CXCL13: variants seen among roughly 807,000 people sequenced by gnomAD.
CXCL13 encodes the protein C-X-C motif chemokine ligand 13, also known as C-X-C motif chemokine 13.
In CXCL13, 7 loss-of-function variants were observed where a neutral mutation model predicts 12.2. The ratio of observed to expected loss-of-function variants is 0.57; its 90% confidence interval spans 0.33 to 1.07. The LOEUF is 1.07. CXCL13 is among the 50% of genes least tolerant of loss of function. The probability of loss-of-function intolerance (pLI) is 0.04; values close to 1 mark genes in which losing one functional copy is unlikely to be tolerated. For synonymous variants in CXCL13, 47 were observed against 42.4 expected (o/e 1.11, Z -0.42); for missense variants, 113 against 127.4 (o/e 0.89, Z 0.55).
rs115318331 is a variant in CXCL13 at position 77,530,694 on chromosome 4, T to G, written c.-43+18906T>G. On this transcript the variant is annotated intron_variant, in intron 1 of 4. Coordinates refer to the CXCL13 transcript ENST00000286758. The stretch of plus-strand genomic sequence containing the variant: ...TTCTTTATTAGTATTGCTAATGGTC[T>G]GTCAGTTTTGTTGATCTTTTCAAAA... 7.0e-3 allele frequency among the ~76,000 whole-genome samples: 1,070 copies of G among 152,304 alleles called. 5 individuals are homozygous for G. Among genetic ancestry groups the G allele is most frequent in the Non-Finnish European group, 0.013 (851 of 68,022 alleles).
intron 1 of CXCL13, among the ~76,000 whole-genome samples, chr4:77,591,899 C>T (rs142118998): frequency 6.6e-6 from 1 of 152,334 alleles, no homozygotes; most frequent in East Asian, 1.9e-4. Flanking sequence ...TCTTCTTTAA[C>T]TTCTTTAATT....
At chr4:77,604,232 A>G (rs891894743), upstream of CXCL13, among the ~76,000 whole-genome samples, 7 of 152,084 alleles carry the variant, frequency 4.6e-5, no homozygotes, top group Non-Finnish European at 1.0e-4. Flanking sequence ...TCTGCCCACC[A>G]TGGGCCCCTC....
At chr4:77,561,936 G>GTGGGC (rs1725825088) in intron 1 of CXCL13, among the ~76,000 whole-genome samples, 1 of 152,180 alleles carries the variant, frequency 6.6e-6, no homozygotes, top group African/African-American at 2.4e-5. Flanking sequence ...TTGTGGGCCA[G>GTGGGC]CACAAGTTCT....
chr4:77,585,066 C>T (rs1726421254), intron 1 of CXCL13, among the ~76,000 whole-genome samples: 1 of 152,146 alleles, frequency 6.6e-6, no homozygotes, highest in Admixed American at 6.5e-5. Flanking sequence ...TACTTGCAAG[C>T]TTTCCTGAAG....
At chr4:77,541,541 TG>T (rs930016017) in intron 1 of CXCL13, among the ~76,000 whole-genome samples, 1 of 152,220 alleles carries the variant, frequency 6.6e-6, no homozygotes, top group African/African-American at 2.4e-5. Context: ...GCTTTATTTC[TG>T]GGTTCTATAT....
At chr4:77,603,214 T>C (rs79029658), upstream of CXCL13, among the ~76,000 whole-genome samples, 320 of 152,340 alleles carry the variant, frequency 2.1e-3, 2 homozygotes, top group Admixed American at 7.1e-3. Context: ...ATGTAAAACT[T>C]CTATACTTGG....
chr4:77,604,820 G>T (rs1030052226), upstream of CXCL13, among the ~76,000 whole-genome samples: 1 of 152,220 alleles, frequency 6.6e-6, no homozygotes, highest in Non-Finnish European at 1.5e-5. Flanking sequence ...AGGAAATCGC[G>T]CCAGGAAGCC....
At chr4:77,515,566 G>T (rs920521409) in intron 1 of CXCL13, among the ~76,000 whole-genome samples, 1 of 152,142 alleles carries the variant, frequency 6.6e-6, no homozygotes, top group African/African-American at 2.4e-5. Flanking sequence ...TCTCTTTGAA[G>T]CAATTGTGAA....
At chr4:77,590,683 G>A (rs758257876) in intron 1 of CXCL13, among the ~76,000 whole-genome samples, 4 of 152,136 alleles carry the variant, frequency 2.6e-5, no homozygotes, top group Non-Finnish European at 2.9e-5. Context: ...CTCTCCTGTG[G>A]AGATGTCACA....
chr4:77,516,539 A>G (rs1420207866), intron 1 of CXCL13, among the ~76,000 whole-genome samples: 9 of 151,844 alleles, frequency 5.9e-5, no homozygotes, highest in South Asian at 2.1e-4. Flanking sequence ...GTCTTGGGAG[A>G]GTGTATGTGT....
intron 1 of CXCL13, among the ~76,000 whole-genome samples, chr4:77,552,995 G>A (rs71609313): frequency 6.6e-6 from 1 of 152,184 alleles, no homozygotes; most frequent in African/African-American, 2.4e-5. Flanking sequence ...CGGCTGCTCA[G>A]GCTGCTGGTC....
At chr4:77,526,728 C>T (rs1289524840) in intron 1 of CXCL13, among the ~76,000 whole-genome samples, 1 of 152,010 alleles carries the variant, frequency 6.6e-6, no homozygotes, top group Non-Finnish European at 1.5e-5. Flanking sequence ...AAATTGTAGA[C>T]TAGGCTAAAC....
rs747589194 is a variant in CXCL13, at chr4:77,605,857, C to A, written c.-9C>A. ...CAGAGCTCAAGTCTGAACTCTACCT[C>A]CAGACAGAATGAAGTTCATCTCGAC... On this transcript the variant is annotated 5_prime_UTR_variant, in exon 1 of 4. Coordinates refer to ENST00000682537, the MANE Select transcript of CXCL13 (RefSeq NM_001371558.1). The A allele has an allele frequency of 6.2e-7, 1 of 1,600,038 alleles. No homozygotes were observed. Among genetic ancestry groups the A allele is most frequent in the Non-Finnish European group, 8.5e-7 (1 of 1,170,356 alleles).
chr4:77,588,248 A>G (rs1371768725), intron 1 of CXCL13, among the ~76,000 whole-genome samples: 1 of 152,244 alleles, frequency 6.6e-6, no homozygotes, highest in African/African-American at 2.4e-5. Flanking sequence ...CTAGTGAACA[A>G]TCAAATGTGA....
chr4:77,591,444 G>A (rs1401881556), intron 1 of CXCL13, among the ~76,000 whole-genome samples: 4 of 151,168 alleles, frequency 2.6e-5, no homozygotes, highest in East Asian at 1.9e-4. Flanking sequence ...CCAGCTACTC[G>A]GGAGGCTGAG....
intron 1 of CXCL13, among the ~76,000 whole-genome samples, chr4:77,584,915 C>A (rs1726417527): frequency 6.6e-6 from 1 of 152,180 alleles, no homozygotes; most frequent in African/African-American, 2.4e-5. Context: ...TACCCCAACC[C>A]TAAGGCCACT....
chr4:77,512,502 T>C (rs1318758697), intron 1 of CXCL13, among the ~76,000 whole-genome samples: 3 of 152,186 alleles, frequency 2.0e-5, no homozygotes, highest in Admixed American at 6.5e-5. Context: ...CTTCTGATGC[T>C]TCCCTCTTTG....
At chr4:77,533,805 G>A (rs1447963021) in intron 1 of CXCL13, among the ~76,000 whole-genome samples, 1 of 152,192 alleles carries the variant, frequency 6.6e-6, no homozygotes, top group Admixed American at 6.5e-5. Flanking sequence ...CCATGAGCAA[G>A]GGCCCATGGG....
intron 1 of CXCL13, among the ~76,000 whole-genome samples, chr4:77,600,010 G>A (rs768441376): frequency 2.0e-5 from 3 of 152,250 alleles, no homozygotes; most frequent in Non-Finnish European, 4.4e-5. Context: ...AACTTCCCTG[G>A]TTTTTAAGCA....
Sources: gnomAD v4.1 joint callset for allele counts (sites outside exome capture counted in the v4.1 genomes callset) on GRCh38, gnomAD v4.1.1 for gene constraint, MANE v1.5 for transcripts, NCBI Gene and HGNC (gene_info 2026-07-23, HGNC 2026-07-21) for gene names.